ALAS1: variants seen among roughly 807,000 people sequenced by gnomAD.
ALAS1 encodes 5'-aminolevulinate synthase 1, also known as 5-aminolevulinate synthase, non-specific, mitochondrial.
ALAS1 carries 29 observed loss-of-function variants against 59.6 expected under a neutral mutation model. The observed-to-expected ratio is 0.49, with a 90% CI of 0.36 to 0.66. The LOEUF (loss-of-function observed/expected upper bound fraction) is 0.66. Ranked by LOEUF, ALAS1 falls within the 30% of genes least tolerant of loss-of-function variation. ALAS1 has a pLI of 0.00. For missense variants in ALAS1, 690 were observed against 807.5 expected, an observed-to-expected ratio of 0.85 and a Z score of 1.76; for synonymous variants, 299 against 296.6, an observed-to-expected ratio of 1.01 and a Z score of -0.08.
rs925426501 is a variant in ALAS1 at position 52,198,788 on chromosome 3, G to A, written c.-93G>A. ...TAGGGGATGTGGGGACCAGGAGAAA[G>A]TCAGGATCCCTAAGAGTCTTCCCTG... On this transcript the variant is annotated 5_prime_UTR_variant, in exon 2 of 12. Coordinates refer to ENST00000484952, the MANE Select transcript of ALAS1 (RefSeq NM_000688.6). 1.3e-6 allele frequency: 2 copies of A among 1,535,510 alleles called. No individual in the cohort carries two copies. The highest frequency in any genetic ancestry group is 2.7e-5 in the African/African-American group (2 of 73,044).
At chr3:52,200,647 A>C (rs920637158) in intron 3 of ALAS1, among the ~76,000 whole-genome samples, 1 of 152,154 alleles carries the variant, frequency 6.6e-6, no homozygotes, top group Non-Finnish European at 1.5e-5. Flanking sequence ...GAGGCATGAG[A>C]ATTGCTTGAA....
intron 8 of ALAS1, 82 bp from the exon 9 acceptor site, chr3:52,208,001 T>G (rs1054211643): frequency 1.5e-6 from 2 of 1,348,790 alleles, no homozygotes; most frequent in Non-Finnish European, 2.0e-6. Flanking sequence ...AGAATAGAAG[T>G]TTACGTTGTT....
chr3:52,206,921 G>A (rs557958856), intron 8 of ALAS1, among the ~76,000 whole-genome samples, 170 bp downstream of exon 8: 8 of 151,024 alleles, frequency 5.3e-5, no homozygotes, highest in African/African-American at 1.2e-4. Context: ...TGCAAGCTCC[G>A]CCTCCCGGGT....
chr3:52,211,107 T>C (rs1699395342), intron 9 of ALAS1, among the ~76,000 whole-genome samples, 176 bp from the exon 10 acceptor site: 1 of 152,228 alleles, frequency 6.6e-6, no homozygotes, highest in South Asian at 2.1e-4. Context: ...ATCATATATG[T>C]GGTCGTCATT....
intron 3 of ALAS1, 48 bp from the exon 4 acceptor site, chr3:52,202,459 A>G (rs374074279): frequency 2.6e-5 from 38 of 1,453,608 alleles, no homozygotes; most frequent in African/African-American, 5.6e-5. Context: ...TTTCTTACAT[A>G]CTGTGCAACC....
chr3:52,198,086 A>G (rs1699103237), upstream of ALAS1: 2 of 397,646 alleles, frequency 5.0e-6, no homozygotes, highest in Non-Finnish European at 8.9e-6. Flanking sequence ...GCCTGCGCAG[A>G]AGAAGGCAGC....
Position 52,214,067 on chromosome 3 carries a change from C to T in ALAS1, c.1810C>T (p.His604Tyr), listed in dbSNP as rs1699466399. The T allele has an allele frequency of 6.2e-7, 1 of 1,613,022 alleles. No homozygotes were observed. Among genetic ancestry groups the T allele is most frequent in the African/African-American group, 1.3e-5 (1 of 74,914 alleles). ...WKQVGLELKPHSSAECNFCRR... is the reference protein window; with the variant it reads ...WKQVGLELKPYSSAECNFCRR... ...GCAAGTGGGGCTGGAACTGAAGCCT[C>T]ATTCCTCAGCTGAGTGCAACTTCTG... is the stretch of plus-strand genomic sequence containing the variant. The change falls in exon 12 of 12, where the codon CAT (histidine) becomes TAT (tyrosine). Residue 604 changes from histidine to tyrosine, a missense_variant. Transcript: ENST00000484952.
At chr3:52,203,278 C>T (rs1168231744) in intron 4 of ALAS1, among the ~76,000 whole-genome samples, 1 of 152,212 alleles carries the variant, frequency 6.6e-6, no homozygotes, top group Non-Finnish European at 1.5e-5. Flanking sequence ...CAGTGGCTCA[C>T]ACCTATAATC....
Position 52,199,415 on chromosome 3 carries a change from C to A in ALAS1, c.174C>A (p.Ile58=). 6.2e-7 allele frequency: 1 copy of A among 1,614,080 alleles called. No individual in the cohort carries two copies. The highest frequency in any genetic ancestry group is 1.1e-5 in the South Asian group (1 of 91,048). The change falls in exon 3 of 12, where the codon ATC becomes ATA. Residue 58 remains isoleucine, a synonymous_variant. Transcript: ENST00000484952. ...LSTAAVHYQQ[I]KETPPASEKD... ...CTGCAGCAGTACACTACCAACAGAT[C>A]AAAGAAACCCCTCCGGCCAGTGAGA...
chr3:52,208,551 G>T (rs1417991752), intron 9 of ALAS1, among the ~76,000 whole-genome samples: 1 of 152,224 alleles, frequency 6.6e-6, no homozygotes, highest in Non-Finnish European at 1.5e-5. Context: ...GCCTCAGGCT[G>T]TTCTTAATTA....
intron 8 of ALAS1, 77 bp from the exon 9 acceptor site, chr3:52,208,006 G>C: frequency 7.3e-7 from 1 of 1,371,762 alleles, no homozygotes; most frequent in African/African-American, 1.5e-5. Flanking sequence ...AGAAGTTTAC[G>C]TTGTTCTGAC....
At chr3:52,204,635 C>G in intron 5 of ALAS1, 58 bp from the exon 6 acceptor site, 3 of 1,466,410 alleles carry the variant, frequency 2.0e-6, no homozygotes, top group Non-Finnish European at 2.8e-6. Context: ...TGTATTTCAC[C>G]AAAATGCAGC....
intron 4 of ALAS1, 59 bp from the exon 5 acceptor site, chr3:52,203,804 A>G (rs1699238077): frequency 6.6e-7 from 1 of 1,517,484 alleles, no homozygotes; most frequent in Non-Finnish European, 8.8e-7. Context: ...TGTTTGGAAG[A>G]TATTGTGAAC....
At chr3:52,199,149 C>T in intron 2 of ALAS1, 61 bp from the exon 3 acceptor site, 1 of 1,532,766 alleles carries the variant, frequency 6.5e-7, no homozygotes, top group Non-Finnish European at 9.0e-7. Context: ...CACCTGAATC[C>T]AGTGAGCTTG....
intron 7 of ALAS1, 113 bp downstream of exon 7, chr3:52,206,136 A>T (rs1699287509): frequency 9.8e-7 from 1 of 1,019,186 alleles, no homozygotes; most frequent in African/African-American, 1.6e-5. Flanking sequence ...TCATAATCCT[A>T]TCTGGGCATT....
rs1022615590 is a variant in ALAS1, at chr3:52,202,793, G to A, written c.427+59G>A. On this transcript the variant is annotated intron_variant, in intron 4 of 11. Transcript: ENST00000484952. ...GAAGGGGTCCTTTTAGTTCTTTTGG[G>A]CCCTCAGATTTGTGTATGAGCTATT... The A allele has an allele frequency of 2.0e-5, 30 of 1,524,488 alleles. No individual in the cohort carries two copies. In the African/African-American group the frequency reaches 3.7e-4, roughly 19 times the overall value. 94.4% of individuals were successfully genotyped at this position (1,524,488 alleles called of 1,614,324 possible).
At chr3:52,210,654 C>T (rs149519674) in intron 9 of ALAS1, among the ~76,000 whole-genome samples, 1 of 152,140 alleles carries the variant, frequency 6.6e-6, no homozygotes, top group African/African-American at 2.4e-5. Flanking sequence ...TGGTGGTGTA[C>T]ACCTGTCCTA....
At chr3:52,203,285 A>G (rs1279434148) in intron 4 of ALAS1, among the ~76,000 whole-genome samples, 1 of 152,212 alleles carries the variant, frequency 6.6e-6, no homozygotes, top group East Asian at 1.9e-4. Context: ...TCACACCTAT[A>G]ATCCCAGCAC....
At position 52,198,664 on chromosome 3, in the gene ALAS1, T is replaced by G; in HGVS notation, c.-209-8T>G. ...CCCCTACCCTCATTTGTGCCCCTCCTTTCTCAGTTATGCCCAGTTCTTCCC... is the reference window on the plus strand; with the variant it reads ...CCCCTACCCTCATTTGTGCCCCTCCGTTCTCAGTTATGCCCAGTTCTTCCC... On this transcript the variant is annotated splice_polypyrimidine_tract_variant and splice_region_variant and intron_variant, in intron 1 of 11. Coordinates refer to ENST00000484952, the MANE Select transcript of ALAS1 (RefSeq NM_000688.6). 1.3e-6 allele frequency: 1 copy of G among 786,942 alleles called. No individual in the cohort carries two copies. The highest frequency in any genetic ancestry group is 2.1e-6 in the Non-Finnish European group (1 of 484,416). 48.7% of individuals were successfully genotyped at this position (786,942 alleles called of 1,614,324 possible). A position where few individuals can be genotyped will look rare whatever the true frequency, so the allele number is the denominator to read the frequency against.
Sources: allele counts gnomAD v4.1 joint callset (sites outside exome capture counted in the v4.1 genomes callset), GRCh38; gene constraint gnomAD v4.1.1; transcripts MANE v1.5; gene names NCBI Gene and HGNC (gene_info 2026-07-23, HGNC 2026-07-21).